Variants in PIK3C2G observed in about 807,000 individuals in gnomAD.
PIK3C2G encodes the protein phosphatidylinositol 3-kinase C2 domain-containing subunit gamma.
A neutral mutation model predicts 181.1 loss-of-function variants in PIK3C2G; 168 were observed. The ratio of observed to expected loss-of-function variants is 0.93; its 90% CI spans 0.82 to 1.05. The LOEUF (loss-of-function observed/expected upper bound fraction) is 1.05, where lower values mean the gene tolerates loss of function less well. PIK3C2G is among the 50% of genes least tolerant of loss of function. The pLI, the probability that PIK3C2G is intolerant of heterozygous loss-of-function variation, is 0.00. For missense variants in PIK3C2G, 1,869 were observed against 1,732.8 expected, an observed-to-expected ratio of 1.08 and a Z score of -1.40; for synonymous variants, 573 against 592.2, an observed-to-expected ratio of 0.97 and a Z score of 0.47.
At chr12:18,300,485 CTTCACT>C (rs1333843389) in intron 5 of PIK3C2G, among the ~76,000 whole-genome samples, 4 of 151,964 alleles carry the variant, frequency 2.6e-5, no homozygotes, top group Admixed American at 2.6e-4. Context: ...CTTTACATCC[CTTCACT>C]TTCAGTCTAT....
At chr12:18,625,478 G>C (rs1206032709) in intron 31 of PIK3C2G, among the ~76,000 whole-genome samples, 1 of 151,758 alleles carries the variant, frequency 6.6e-6, no homozygotes, top group Admixed American at 6.6e-5. Flanking sequence ...GTGTGCTTAA[G>C]AGAAAACTTT....
intron 26 of PIK3C2G, among the ~76,000 whole-genome samples, chr12:18,555,199 G>T (rs114224773): frequency 0.037 from 5,656 of 152,124 alleles, 218 homozygotes; most frequent in African/African-American, 0.099. Flanking sequence ...ATTGAAATAC[G>T]CTGTCATAGA....
At chr12:18,461,141 G>A (rs1158536112) in intron 18 of PIK3C2G, among the ~76,000 whole-genome samples, 5 of 152,064 alleles carry the variant, frequency 3.3e-5, no homozygotes, top group South Asian at 2.1e-4. Flanking sequence ...TATAGATATT[G>A]TGATATACCT....
chr12:18,446,210 T>C (rs1947016529), intron 18 of PIK3C2G, among the ~76,000 whole-genome samples: 1 of 152,088 alleles, frequency 6.6e-6, no homozygotes, highest in Admixed American at 6.6e-5. Context: ...TTGAAGATGA[T>C]CTTGCCAGAT....
At chr12:18,264,237 T>A (rs1204624777) in intron 1 of PIK3C2G, among the ~76,000 whole-genome samples, 1 of 152,184 alleles carries the variant, frequency 6.6e-6, no homozygotes, top group Non-Finnish European at 1.5e-5. Flanking sequence ...ACTTACATAG[T>A]ATTATAGTCT....
At chr12:18,653,374 T>C (rs1281550220), downstream of PIK3C2G, among the ~76,000 whole-genome samples, 1 of 152,202 alleles carries the variant, frequency 6.6e-6, no homozygotes, top group East Asian at 1.9e-4. Context: ...TACAAATTTA[T>C]GTATATATTA....
chr12:18,648,028 A>G lies in PIK3C2G; in HGVS notation c.4461A>G (p.Ter1487TrpextTer4). Reference sequence around the variant, plus strand: ...ATCCATTAGGAAACAGTATAATTTGACCATTGCTATGAACATATGCATTAT... The same window carrying G: ...ATCCATTAGGAAACAGTATAATTTGGCCATTGCTATGAACATATGCATTAT... ...KWYPLGNSII[*>W] Residue 1487 changes from the stop codon to tryptophan (W), a stop_lost, in exon 33 of 33, where the codon TGA becomes TGG. Coordinates refer to ENST00000538779, the MANE Select transcript of PIK3C2G (RefSeq NM_001288772.2). The G allele has an allele frequency of 3.8e-6, 6 of 1,581,572 alleles. No homozygotes were observed. The highest frequency in any genetic ancestry group is 1.2e-5 in the South Asian group (1 of 86,022).
intron 1 of PIK3C2G, among the ~76,000 whole-genome samples, chr12:18,271,716 C>T (rs1017747723): frequency 1.3e-5 from 2 of 152,094 alleles, no homozygotes; most frequent in Non-Finnish European, 2.9e-5. Flanking sequence ...ATTGATATCT[C>T]TTCTTAATCT....
At chr12:18,303,142 T>TTTCTTTC (rs1565575699) in intron 5 of PIK3C2G, among the ~76,000 whole-genome samples, 18 of 57,408 alleles carry the variant, frequency 3.1e-4, no homozygotes, top group East Asian at 1.3e-3. Context: ...TTCTTTCTTT[T>TTTCTTTC]CTTTTCTTTC....
At chr12:18,635,747 T>G (rs1325806683) in intron 31 of PIK3C2G, among the ~76,000 whole-genome samples, 1 of 152,172 alleles carries the variant, frequency 6.6e-6, no homozygotes, top group African/African-American at 2.4e-5. Flanking sequence ...TTGGACCTGT[T>G]GCAGAACCTT....
At chr12:18,420,714 C>A (rs547356326) in intron 16 of PIK3C2G, among the ~76,000 whole-genome samples, 12 of 152,178 alleles carry the variant, frequency 7.9e-5, no homozygotes, top group Admixed American at 2.6e-4. Context: ...AGACTTAAAA[C>A]CACATTTCCA....
intron 26 of PIK3C2G, among the ~76,000 whole-genome samples, chr12:18,547,377 A>C (rs553736651): frequency 6.6e-6 from 1 of 151,982 alleles, no homozygotes; most frequent in African/African-American, 2.4e-5. Context: ...TTTCTGTTTC[A>C]TGAACTTGAA....
intron 29 of PIK3C2G, among the ~76,000 whole-genome samples, chr12:18,586,848 G>C (rs1946808236): frequency 6.6e-6 from 1 of 151,926 alleles, no homozygotes; most frequent in South Asian, 2.1e-4. Context: ...ACATAAAAAA[G>C]CTAATTCACC....
intron 13 of PIK3C2G, among the ~76,000 whole-genome samples, chr12:18,374,095 C>T (rs2137899798): frequency 6.6e-6 from 1 of 152,220 alleles, no homozygotes. Context: ...CACAGAGATT[C>T]TCAACCCTCA....
rs369459549 is a variant in PIK3C2G at position 18,559,776 on chromosome 12, TTATATATATATATATATATATA to T, written c.3591-2902_3591-2881del. On this transcript the variant is annotated intron_variant, in intron 26 of 32. Transcript: ENST00000538779. ...ATATCTCAGAATGTATTGTATGAAATTATATATATATATATATATATATATATATATATATATATATATATAG... is the reference window on the plus strand; with the variant it reads ...ATATCTCAGAATGTATTGTATGAAATTATATATATATATATATATATATAG... Among the ~76,000 whole-genome samples the T allele has an allele frequency of 7.4e-3, 315 of 42,694 alleles. 6 individuals carry two copies. Among genetic ancestry groups the T allele is most frequent in the Middle Eastern group, 0.016 (1 of 62 alleles). 28.0% of individuals were successfully genotyped at this position (42,694 alleles called of 152,430 possible).
At chr12:18,503,933 G>A (rs1941666882) in intron 23 of PIK3C2G, among the ~76,000 whole-genome samples, 1 of 152,136 alleles carries the variant, frequency 6.6e-6, no homozygotes, top group Admixed American at 6.5e-5. Context: ...GTGTACAGTT[G>A]TGCAGGTTCT....
chr12:18,500,380 C>T (rs923779762), intron 22 of PIK3C2G, among the ~76,000 whole-genome samples: 14 of 152,334 alleles, frequency 9.2e-5, no homozygotes, highest in South Asian at 4.1e-4. Context: ...GCTGCCTTCC[C>T]GCGGGGCAAG....
At chr12:18,352,334 T>A (rs1417241891) in intron 11 of PIK3C2G, among the ~76,000 whole-genome samples, 1 of 152,210 alleles carries the variant, frequency 6.6e-6, no homozygotes, top group Non-Finnish European at 1.5e-5. Flanking sequence ...AACAGGACAG[T>A]TCCCGTGACC....
chr12:18,671,818 T>C, the PIK3C2G span, among the ~76,000 whole-genome samples: 2 of 152,082 alleles, frequency 1.3e-5, no homozygotes, highest in Non-Finnish European at 2.9e-5. Flanking sequence ...ACAATAGAAA[T>C]TGATTTCTCA....
Sources: allele counts gnomAD v4.1 joint callset (sites outside exome capture counted in the v4.1 genomes callset), GRCh38; gene constraint gnomAD v4.1.1; transcripts MANE v1.5; gene names NCBI Gene and HGNC (gene_info 2026-07-23, HGNC 2026-07-21).